Variants in FBLN1 observed in about 807,000 individuals in gnomAD.
The protein encoded by FBLN1 is fibulin-1.
Under a neutral mutation model 89.7 loss-of-function variants are expected in FBLN1, and 34 were observed. The ratio of observed to expected loss-of-function variants is 0.38; its 90% confidence interval spans 0.29 to 0.50. The LOEUF is 0.50. FBLN1 is among the 20% of genes least tolerant of loss of function. The pLI is 0.92. For missense variants in FBLN1, 777 were observed against 988.1 expected (o/e 0.79, Z 2.86); for synonymous variants, 393 against 391.3 (o/e 1.00, Z -0.05).
In FBLN1 at chr22:45,590,820, GA is replaced by G. The variant is rs2089130202; in HGVS notation, c.1973-9485del. 6.6e-6 allele frequency among the ~76,000 whole-genome samples: 1 copy of G among 152,128 alleles called. No homozygotes were observed. Among genetic ancestry groups the G allele is most frequent in the African/African-American group, 2.4e-5 (1 of 41,438 alleles). ...GCCTGGAGAGTGAGGGGTAGGGGAG[GA>G]AGGGAAGTGGGTTTAAGGGAGGAGG... On this transcript the variant is annotated intron_variant, in intron 16 of 16. Coordinates refer to ENST00000327858, the MANE Select transcript of FBLN1 (RefSeq NM_006486.3). The surrounding 1 kb of genome is among the most constrained non-coding windows in gnomAD (Gnocchi z 4.1).
intron 16 of FBLN1, among the ~76,000 whole-genome samples, chr22:45,599,781 G>A (rs2089215700): frequency 6.6e-6 from 1 of 152,148 alleles, no homozygotes; most frequent in Non-Finnish European, 1.5e-5. Context: ...GCCAGGCATG[G>A]TGGCACATGC....
rs1271500737 is a variant in FBLN1, at chr22:45,581,243, C to G, written c.1972+4135C>G. The stretch of plus-strand genomic sequence containing the variant: ...CACCCGGGCTCCCCGGGCCCCTGGG[C>G]TATGGCTGCTGTCTGAGCCTCAGAC... On this transcript the variant is annotated intron_variant, in intron 16 of 16. Coordinates refer to ENST00000327858, the MANE Select transcript of FBLN1 (RefSeq NM_006486.3). This position sits in a 1 kb window ranked among gnomAD's most constrained non-coding sequence, Gnocchi z 7.6. Among the ~76,000 whole-genome samples the G allele has an allele frequency of 2.0e-5, 3 of 152,148 alleles. No individual in the cohort carries two copies. Among genetic ancestry groups the G allele is most frequent in the Non-Finnish European group, 2.9e-5 (2 of 68,026 alleles).
At chr22:45,569,583 G>A (rs2088933151) in intron 14 of FBLN1, among the ~76,000 whole-genome samples, 1 of 152,128 alleles carries the variant, frequency 6.6e-6, no homozygotes, top group Admixed American at 6.5e-5. Context: ...AGGTTGCAGT[G>A]AGCCGAGATC....
At position 45,578,332 on chromosome 22, in the gene FBLN1, T is replaced by A. The variant is rs1039005963; in HGVS notation, c.1972+1224T>A. On this transcript the variant is annotated intron_variant, in intron 16 of 16. Coordinates refer to ENST00000327858, the MANE Select transcript of FBLN1 (RefSeq NM_006486.3). The surrounding 1 kb of genome is among the most constrained non-coding windows in gnomAD (Gnocchi z 4.6). ...TTACAAGCTTTTAAATGGGTTTGCATGTTGTAAACATGACTGAGTCACTGG... is the reference window on the plus strand; with the variant it reads ...TTACAAGCTTTTAAATGGGTTTGCAAGTTGTAAACATGACTGAGTCACTGG... 2.0e-5 allele frequency: 3 copies of A among 152,260 alleles called. No individual in the cohort carries two copies. Among genetic ancestry groups the A allele is most frequent in the Admixed American group, 2.0e-4 (3 of 15,286 alleles). 9.4% of individuals were successfully genotyped at this position (152,260 alleles called of 1,614,324 possible).
chr22:45,562,850 T>G lies in FBLN1; in HGVS notation c.1698-11661T>G. The G allele has an allele frequency of 6.5e-7, 1 of 1,543,262 alleles. No homozygotes were observed. The highest frequency in any genetic ancestry group is 1.7e-5 in the Admixed American group (1 of 59,970). ...AGCCCCGCATCCCCGCGCTCTGCCGTTTCTCCGCTTGCTGGACCGGCCCTA... is the reference window on the plus strand; with the variant it reads ...AGCCCCGCATCCCCGCGCTCTGCCGGTTCTCCGCTTGCTGGACCGGCCCTA... On this transcript the variant is annotated intron_variant, in intron 14 of 16. Coordinates refer to ENST00000327858, the MANE Select transcript of FBLN1 (RefSeq NM_006486.3). This position sits in a 1 kb window ranked among gnomAD's most constrained non-coding sequence, Gnocchi z 7.8.
chr22:45,546,811 G>A (rs149149832), intron 11 of FBLN1, among the ~76,000 whole-genome samples: 168 of 152,346 alleles, frequency 1.1e-3, no homozygotes, highest in African/African-American at 3.8e-3. Flanking sequence ...TGGCAGCCAG[G>A]TCGGGGCAGA....
At chr22:45,573,210 G>A (rs2088965182) in intron 14 of FBLN1, among the ~76,000 whole-genome samples, 1 of 151,114 alleles carries the variant, frequency 6.6e-6, no homozygotes, top group African/African-American at 2.4e-5. Flanking sequence ...TGGGTGACGA[G>A]CAAAACTCCG....
chr22:45,551,463 C>T (rs1409317503), intron 14 of FBLN1, among the ~76,000 whole-genome samples: 2 of 152,212 alleles, frequency 1.3e-5, no homozygotes, highest in Non-Finnish European at 2.9e-5. Context: ...CACCTCTTGA[C>T]CCTAGGGGCA....
intron 14 of FBLN1, among the ~76,000 whole-genome samples, chr22:45,554,456 C>G (rs1291190352): frequency 6.6e-6 from 1 of 152,206 alleles, no homozygotes; most frequent in Admixed American, 6.5e-5. Context: ...AGGCAGGACT[C>G]CCCCGTTCAG....
Position 45,554,731 on chromosome 22 carries a change from C to G in FBLN1, c.1697+4116C>G, listed in dbSNP as rs529273189. 1.2e-4 allele frequency among the ~76,000 whole-genome samples: 18 copies of G among 152,324 alleles called. No homozygotes were observed. In the East Asian group the frequency reaches 3.3e-3, roughly 28 times the overall value. Reference sequence around the variant, plus strand: ...GACACAGCCCAGATGGCAGGGCTTCCTGGAGCACCTGGGCCAGGTCCTCTG... The same window carrying G: ...GACACAGCCCAGATGGCAGGGCTTCGTGGAGCACCTGGGCCAGGTCCTCTG... On this transcript the variant is annotated intron_variant, in intron 14 of 16. Coordinates refer to ENST00000327858, the MANE Select transcript of FBLN1 (RefSeq NM_006486.3).
rs1412588682 is a variant in FBLN1, at chr22:45,513,335, C to T, written c.80-5347C>T. ...TTTTTTTTTTTTTGAGATGTAGTCT[C>T]ACTCTGTCACCCAGGCTGGAATGCA... On this transcript the variant is annotated intron_variant, in intron 1 of 16. Coordinates refer to ENST00000327858, the MANE Select transcript of FBLN1 (RefSeq NM_006486.3). 2.1e-5 allele frequency among the ~76,000 whole-genome samples: 3 copies of T among 143,514 alleles called. No individual in the cohort carries two copies. The Admixed American group carries it at 2.1e-4, about 10-fold the overall frequency. 94.2% of individuals were successfully genotyped at this position (143,514 alleles called of 152,430 possible).
Position 45,530,526 on chromosome 22 carries a change from A to G in FBLN1, c.485-739A>G, listed in dbSNP as rs949224954. Among the ~76,000 whole-genome samples the G allele has an allele frequency of 7.9e-5, 12 of 152,148 alleles. No individual in the cohort carries two copies. Among genetic ancestry groups the G allele is most frequent in the Admixed American group, 3.3e-4 (5 of 15,270 alleles). ...CCCCAGACCAGTGCTGGCCTGCGAC[A>G]AATAAGTACAGAAATGGAGAATAAC... On this transcript the variant is annotated intron_variant, in intron 4 of 16. Coordinates refer to ENST00000327858, the MANE Select transcript of FBLN1 (RefSeq NM_006486.3). The surrounding 1 kb of genome is among the most constrained non-coding windows in gnomAD (Gnocchi z 5.4).
At chr22:45,592,171 C>G (rs1473275641) in intron 16 of FBLN1, among the ~76,000 whole-genome samples, 2 of 152,138 alleles carry the variant, frequency 1.3e-5, no homozygotes, top group African/African-American at 4.8e-5. Flanking sequence ...GGAGGGCGAC[C>G]GTGTCTCATC....
rs1162792532 is a variant in FBLN1 at position 45,597,128 on chromosome 22, G to A, written c.1973-3179G>A. On this transcript the variant is annotated intron_variant, in intron 16 of 16. Coordinates refer to ENST00000327858, the MANE Select transcript of FBLN1 (RefSeq NM_006486.3). This position sits in a 1 kb window ranked among gnomAD's most constrained non-coding sequence, Gnocchi z 4.2. ...AACAATTCTGCCACCTCAGCCTCCT[G>A]AGTAGCTGGGACTATAAGCACACAC... 2.4e-5 allele frequency among the ~76,000 whole-genome samples: 3 copies of A among 124,808 alleles called. No homozygotes were observed. The highest frequency in any genetic ancestry group is 5.6e-5 in the Non-Finnish European group (3 of 53,642). The allele number at this position is 124,808 out of a possible 152,430, so 81.9% of individuals were successfully genotyped here. A position where few individuals can be genotyped will look rare whatever the true frequency, so the allele number is the denominator to read the frequency against.
At chr22:45,514,748 C>T (rs2088147128) in intron 1 of FBLN1, among the ~76,000 whole-genome samples, 1 of 152,186 alleles carries the variant, frequency 6.6e-6, no homozygotes, top group South Asian at 2.1e-4. Flanking sequence ...TGGGCATGGG[C>T]AGGTGCGACA....
chr22:45,512,479 G>C (rs2088114333), intron 1 of FBLN1, among the ~76,000 whole-genome samples: 1 of 152,144 alleles, frequency 6.6e-6, no homozygotes, highest in South Asian at 2.1e-4. Flanking sequence ...ACATGGGGTA[G>C]GACTTGATGA....
rs1201844786 is a variant in FBLN1 at position 45,532,173 on chromosome 22, GGTCCAGGGGCGCT to G, written c.544+860_545-867del. ...ATGCAGTCAGTGTACAGTGACAGTT[GGTCCAGGGGCGCT>G]GTCCAGGGGCCTGGTGGAGGGAGGA... On this transcript the variant is annotated intron_variant, in intron 5 of 16. Coordinates refer to ENST00000327858, the MANE Select transcript of FBLN1 (RefSeq NM_006486.3). This position sits in a 1 kb window ranked among gnomAD's most constrained non-coding sequence, Gnocchi z 4.2. Among the ~76,000 whole-genome samples the G allele has an allele frequency of 1.3e-5, 2 of 152,126 alleles. No individual in the cohort carries two copies. Among genetic ancestry groups the G allele is most frequent in the Admixed American group, 1.3e-4 (2 of 15,272 alleles).
At chr22:45,585,923 A>C (rs1046682817) in intron 16 of FBLN1, among the ~76,000 whole-genome samples, 1 of 151,904 alleles carries the variant, frequency 6.6e-6, no homozygotes, top group Non-Finnish European at 1.5e-5. Flanking sequence ...ATCAGCCCCC[A>C]ATTCCCCAGA....
At chr22:45,523,126 A>G (rs2088273335) in intron 2 of FBLN1, 2 of 777,414 alleles carry the variant, frequency 2.6e-6, no homozygotes, top group East Asian at 2.4e-5. Flanking sequence ...CAGGACCTGA[A>G]TGGGGCGTGG....
Sources: gnomAD v4.1 joint callset for allele counts (sites outside exome capture counted in the v4.1 genomes callset) on GRCh38, gnomAD v4.1.1 for gene constraint, Gnocchi (gnomAD v3.1) non-coding constraint, MANE v1.5 for transcripts, NCBI Gene and HGNC (gene_info 2026-07-23, HGNC 2026-07-21) for gene names.